Variants in SETBP1 observed in about 807,000 individuals in gnomAD.
SETBP1 encodes SET-binding protein.
A neutral mutation model predicts 101.0 loss-of-function variants in SETBP1; 9 were observed. The ratio of observed to expected loss-of-function variants is 0.09; its 90% CI spans 0.05 to 0.16. The LOEUF (loss-of-function observed/expected upper bound fraction) is 0.16. Ranked by LOEUF, SETBP1 falls within the 10% of genes least tolerant of loss-of-function variation. SETBP1 has a pLI of 1.00. For missense variants in SETBP1, 1,858 were observed against 2,033.8 expected (o/e 0.91, Z 1.66); for synonymous variants, 818 against 788.5 (o/e 1.04, Z -0.63).
intron 2 of SETBP1, among the ~76,000 whole-genome samples, chr18:44,795,792 T>A (rs1170956653): frequency 6.6e-6 from 1 of 152,172 alleles, no homozygotes; most frequent in Non-Finnish European, 1.5e-5. Context: ...TAGAACTCAG[T>A]CAACATAAGC....
chr18:45,036,015 G>T lies in SETBP1; in HGVS notation c.4001-2470G>T, dbSNP rs570720195. ...TGAAAAGTTTAATACATATTTGTGGGTTTTTTAAATATTAACAATAAAGAA... is the reference window on the plus strand; with the variant it reads ...TGAAAAGTTTAATACATATTTGTGGTTTTTTTAAATATTAACAATAAAGAA... On this transcript the variant is annotated intron_variant, in intron 4 of 5. Transcript: ENST00000649279. Among the ~76,000 whole-genome samples the T allele has an allele frequency of 7.4e-4, 112 of 152,270 alleles. 1 individual carries two copies. The highest frequency in any genetic ancestry group is 2.4e-3 in the African/African-American group (99 of 41,544).
rs148528918 is a variant in SETBP1 at position 44,880,042 on chromosome 18, G to T, written c.540+10759G>T. On this transcript the variant is annotated intron_variant, in intron 3 of 5. Coordinates refer to ENST00000649279, the MANE Select transcript of SETBP1 (RefSeq NM_015559.3). ...GGAGGTCCACTTTGGCTCCTACCCT[G>T]TGGAAGATTCACACGTGCAGTGATT... is the stretch of plus-strand genomic sequence containing the variant. 2.0e-5 allele frequency among the ~76,000 whole-genome samples: 3 copies of T among 152,322 alleles called. No homozygotes were observed. The East Asian group carries it at 5.8e-4, about 29-fold the overall frequency.
At position 44,991,244 on chromosome 18, in the gene SETBP1, CAAAAAA is replaced by C. The variant is rs55811938; in HGVS notation, c.4000+37921_4000+37926del. ...AGTGACAGAGCGAGACTGCATCTCA[CAAAAAA>C]AAAAAAAAAAAAAAAAGGAAGAAAC... On this transcript the variant is annotated intron_variant, in intron 4 of 5. Transcript: ENST00000649279. Among the ~76,000 whole-genome samples the C allele has an allele frequency of 3.3e-3, 223 of 68,216 alleles. 1 individual carries two copies. The highest frequency in any genetic ancestry group is 0.013 in the African/African-American group (217 of 16,916). 44.8% of individuals were successfully genotyped at this position (68,216 alleles called of 152,430 possible).
intron 2 of SETBP1, among the ~76,000 whole-genome samples, chr18:44,783,560 G>A (rs555171905): frequency 2.0e-4 from 31 of 152,270 alleles, no homozygotes; most frequent in South Asian, 1.7e-3. Context: ...GTAGAATGCT[G>A]GCAGTAGTGC....
rs751918559 is a variant in SETBP1, at chr18:44,950,478, G to T, written c.1138G>T (p.Ala380Ser). The change falls in exon 4 of 6, where the codon GCA becomes TCA. Residue 380 changes from alanine to serine, a missense_variant. Ala to Ser is a moderately conservative substitution (Grantham distance 99). This residue lies in a region of SETBP1 where 581 missense variants were observed against 535.1 expected (regional missense o/e 1.09). Coordinates refer to ENST00000649279, the MANE Select transcript of SETBP1 (RefSeq NM_015559.3). ...TTATTCCGCAGATAGTGCCCAAGAG[G>T]CATCACCAGCCAGGCAGAACGTGAG... Reference protein sequence around the residue: ...EGYSADSAQEASPARQNVSSA... With the variant: ...EGYSADSAQESSPARQNVSSA... The T allele has an allele frequency of 1.2e-6, 2 of 1,613,982 alleles. No individual in the cohort carries two copies. Among genetic ancestry groups the T allele is most frequent in the East Asian group, 4.5e-5 (2 of 44,876 alleles).
chr18:44,738,651 G>A (rs1203604111), intron 2 of SETBP1, among the ~76,000 whole-genome samples: 1 of 151,982 alleles, frequency 6.6e-6, no homozygotes, highest in African/African-American at 2.4e-5. Context: ...GCACATGCCT[G>A]GAATGCCAGC....
chr18:44,744,464 T>C (rs967341240), intron 2 of SETBP1, among the ~76,000 whole-genome samples: 3 of 152,234 alleles, frequency 2.0e-5, no homozygotes, highest in Non-Finnish European at 4.4e-5. Context: ...AGCCGCTGCC[T>C]CCTGCAGGGC....
intron 5 of SETBP1, among the ~76,000 whole-genome samples, chr18:45,040,084 T>C (rs1433675639): frequency 1.3e-5 from 2 of 152,186 alleles, no homozygotes; most frequent in Non-Finnish European, 1.5e-5. Flanking sequence ...CAACCCTTTT[T>C]TCTGGGACTG....
At chr18:44,773,367 A>G (rs1298936085) in intron 2 of SETBP1, among the ~76,000 whole-genome samples, 1 of 152,120 alleles carries the variant, frequency 6.6e-6, no homozygotes, top group Non-Finnish European at 1.5e-5. Context: ...AGTTACAGAC[A>G]TGGCCCCAAA....
chr18:44,793,894 G>A (rs989217750), intron 2 of SETBP1, among the ~76,000 whole-genome samples: 18 of 152,210 alleles, frequency 1.2e-4, no homozygotes, highest in Non-Finnish European at 2.6e-4. Flanking sequence ...CCAAAGGATT[G>A]TGGAGGACAT....
At chr18:45,010,448 A>T (rs1192098840) in intron 4 of SETBP1, among the ~76,000 whole-genome samples, 1 of 152,196 alleles carries the variant, frequency 6.6e-6, no homozygotes, top group Non-Finnish European at 1.5e-5. Flanking sequence ...TTTTTCTGTA[A>T]CTTCTTAGGA....
At chr18:45,047,211 A>G (rs894792978) in intron 5 of SETBP1, among the ~76,000 whole-genome samples, 4 of 152,156 alleles carry the variant, frequency 2.6e-5, no homozygotes, top group African/African-American at 4.8e-5. Flanking sequence ...ACGCCCAGGG[A>G]GTCAGGTGCG....
At chr18:45,031,777 G>C (rs747788359) in intron 4 of SETBP1, among the ~76,000 whole-genome samples, 1 of 152,102 alleles carries the variant, frequency 6.6e-6, no homozygotes, top group African/African-American at 2.4e-5. Flanking sequence ...AATTGGAAGA[G>C]AAATGAACAA....
At chr18:44,878,526 A>C (rs569267101) in intron 3 of SETBP1, among the ~76,000 whole-genome samples, 1 of 152,256 alleles carries the variant, frequency 6.6e-6, no homozygotes, top group South Asian at 2.1e-4. Flanking sequence ...ATGATACATG[A>C]CTGTGCTTTA....
rs181910076 is a variant in SETBP1 at position 44,705,052 on chromosome 18, A to T, written c.486+3220A>T. Among the ~76,000 whole-genome samples the T allele has an allele frequency of 7.9e-5, 12 of 152,316 alleles. No homozygotes were observed. The East Asian group carries it at 2.1e-3, about 27-fold the overall frequency. On this transcript the variant is annotated intron_variant, in intron 2 of 5. Coordinates refer to ENST00000649279, the MANE Select transcript of SETBP1 (RefSeq NM_015559.3). ...TGCTAGTGATTCCTACTAGGGAGTC[A>T]TCTGAATATATGTGCTGACTTTGAG... is the stretch of plus-strand genomic sequence containing the variant.
Position 44,952,656 on chromosome 18 carries a change from G to A in SETBP1, c.3316G>A (p.Ala1106Thr). 1.2e-6 allele frequency: 2 copies of A among 1,614,134 alleles called. No individual in the cohort carries two copies. Among genetic ancestry groups the A allele is most frequent in the Non-Finnish European group, 1.7e-6 (2 of 1,179,996 alleles). Residue 1106 changes from alanine (A) to threonine (T), a missense_variant, in exon 4 of 6, where the codon GCA (alanine) becomes ACA (threonine). Ala to Thr is a moderately conservative substitution (Grantham distance 58). Around this residue, in one of 12 missense-constraint regions of SETBP1, gnomAD observed 255 missense variants for 300.1 expected, o/e 0.85. Transcript: ENST00000649279. ...HTNSHVKMSG[A>T]AKHKAKHGVH... ...AAACTCCCACGTAAAGATGTCCGGT[G>A]CAGCTAAGCATAAAGCCAAGCATGG... is the stretch of plus-strand genomic sequence containing the variant.
chr18:44,892,149 C>A (rs1388412369), intron 3 of SETBP1, among the ~76,000 whole-genome samples: 2 of 152,044 alleles, frequency 1.3e-5, no homozygotes, highest in African/African-American at 4.8e-5. Flanking sequence ...TTATTTGGAG[C>A]CTAAATTATC....
intron 5 of SETBP1, among the ~76,000 whole-genome samples, chr18:45,060,227 C>T (rs2073870212): frequency 1.3e-5 from 2 of 152,122 alleles, no homozygotes; most frequent in Admixed American, 6.5e-5. Context: ...CTTTTGCCTC[C>T]TGATATATAT....
At position 44,910,489 on chromosome 18, in the gene SETBP1, A is replaced by G. The variant is rs1366570414; in HGVS notation, c.541-39392A>G. ...TGTACAACCTATTTCCCCTTCTGTG[A>G]GTTGAACTGAATTGAAACTGCTCCA... On this transcript the variant is annotated intron_variant, in intron 3 of 5. Transcript: ENST00000649279. Among the ~76,000 whole-genome samples, 12 of 152,242 alleles carry G rather than the reference A, an allele frequency of 7.9e-5. No individual in the cohort carries two copies. In the East Asian group the frequency reaches 2.3e-3, roughly 29 times the overall value.
Sources: gnomAD v4.1 joint callset for allele counts (sites outside exome capture counted in the v4.1 genomes callset) on GRCh38, gnomAD v4.1.1 for gene constraint, gnomAD v4.1.1 regional missense constraint, MANE v1.5 for transcripts, NCBI Gene and HGNC (gene_info 2026-07-23, HGNC 2026-07-21) for gene names.